The following ANO2 variants were observed in gnomAD, a reference collection of about 807,000 sequenced individuals.
The protein encoded by ANO2 is anoctamin-2.
ANO2 carries 101 observed loss-of-function variants against 124.2 expected under a neutral mutation model. That is an observed-to-expected ratio of 0.81 (90% CI 0.69 to 0.96). The LOEUF (loss-of-function observed/expected upper bound fraction) is 0.96. Among genes scored for constraint, ANO2 ranks in the 40% least tolerant of loss-of-function variants. The pLI is 0.00. For missense variants in ANO2, 1,293 were observed against 1,274.5 expected, an observed-to-expected ratio of 1.01 and a Z score of -0.22; for synonymous variants, 486 against 482.5, an observed-to-expected ratio of 1.01 and a Z score of -0.09.
chr12:5,922,403 C>T (rs141337713), intron 2 of ANO2, among the ~76,000 whole-genome samples: 2,155 of 152,328 alleles, frequency 0.014, 22 homozygotes, highest in Non-Finnish European at 0.025. Flanking sequence ...GCCTCCCACG[C>T]CTCCTCCTTT....
At chr12:5,689,257 G>A (rs563852030) in intron 14 of ANO2, among the ~76,000 whole-genome samples, 1 of 152,186 alleles carries the variant, frequency 6.6e-6, no homozygotes, top group South Asian at 2.1e-4. Context: ...TAATTAGGAG[G>A]GCAGAATCTT....
chr12:5,598,517 G>A (rs1015095124), intron 20 of ANO2, among the ~76,000 whole-genome samples: 2 of 152,028 alleles, frequency 1.3e-5, no homozygotes, highest in African/African-American at 4.8e-5. Flanking sequence ...CACCATTCCT[G>A]GCTAATTTTT....
rs562752174 is a variant in ANO2 at position 5,583,381 on chromosome 12, C to T, written c.2234-4863G>A. 1.0e-3 allele frequency among the ~76,000 whole-genome samples: 155 copies of T among 152,214 alleles called. 2 individuals carry two copies. The highest frequency in any genetic ancestry group is 2.9e-3 in the African/African-American group (121 of 41,536). On this transcript the variant is annotated intron_variant, in intron 20 of 24. Transcript: ENST00000682330. ...TAAAAAAATGCTTTCTGGCTGGGCG[C>T]GGTGGCTCACGCCTGTAATCCCAGC... is the stretch of plus-strand genomic sequence containing the variant.
chr12:5,802,461 A>C (rs955994152), intron 9 of ANO2, among the ~76,000 whole-genome samples: 4 of 152,206 alleles, frequency 2.6e-5, no homozygotes, highest in Non-Finnish European at 5.9e-5. Context: ...GCCTTCTGTC[A>C]CCTGCAGGGG....
intron 3 of ANO2, among the ~76,000 whole-genome samples, chr12:5,854,877 GT>G (rs1259213486): frequency 6.6e-6 from 1 of 150,880 alleles, no homozygotes; most frequent in Non-Finnish European, 1.5e-5. Flanking sequence ...CACTATGACT[GT>G]TACAAATAGG....
intron 7 of ANO2, among the ~76,000 whole-genome samples, chr12:5,809,721 T>C (rs766139788): frequency 1.3e-5 from 2 of 152,176 alleles, no homozygotes; most frequent in Non-Finnish European, 2.9e-5. Flanking sequence ...CAGCTGGAAG[T>C]GGGCAGCTTG....
intron 3 of ANO2, among the ~76,000 whole-genome samples, chr12:5,876,287 G>A (rs1233889744): frequency 6.6e-6 from 1 of 152,184 alleles, no homozygotes; most frequent in Non-Finnish European, 1.5e-5. Context: ...AAAGGCAGAT[G>A]AAGTAATTAA....
chr12:5,697,338 A>T (rs1310940097), intron 14 of ANO2, among the ~76,000 whole-genome samples: 7 of 152,144 alleles, frequency 4.6e-5, no homozygotes, highest in Admixed American at 2.6e-4. Flanking sequence ...AGGCTGAAGC[A>T]GGAGAATGGC....
At chr12:5,684,779 C>A (rs1002122080) in intron 14 of ANO2, among the ~76,000 whole-genome samples, 17 of 152,132 alleles carry the variant, frequency 1.1e-4, no homozygotes, top group Non-Finnish European at 2.4e-4. Context: ...ATGCAGCCCA[C>A]ATTGTTTACT....
intron 12 of ANO2, chr12:5,740,904 C>A (rs1353573006): frequency 6.6e-6 from 1 of 152,488 alleles, no homozygotes; most frequent in African/African-American, 2.4e-5. Context: ...TCTCCATACT[C>A]GACTTGCGCA....
At chr12:5,757,190 AG>A (rs1951607380) in intron 10 of ANO2, among the ~76,000 whole-genome samples, 1 of 152,256 alleles carries the variant, frequency 6.6e-6, no homozygotes, top group Non-Finnish European at 1.5e-5. Context: ...TTTCAGTAGA[AG>A]GGTGAGGCCT....
At chr12:5,565,527 G>T (rs3825277) in intron 24 of ANO2, 31 bp downstream of exon 24, 1 of 1,541,138 alleles carries the variant, frequency 6.5e-7, no homozygotes, top group Non-Finnish European at 8.8e-7. Context: ...GCCCGGATTC[G>T]AATGGGCTAT....
At chr12:5,748,692 C>G (rs1415848032) in intron 11 of ANO2, among the ~76,000 whole-genome samples, 2 of 152,058 alleles carry the variant, frequency 1.3e-5, no homozygotes, top group African/African-American at 4.8e-5. Flanking sequence ...ATGCCCCCCA[C>G]AAGGTAGATA....
intron 3 of ANO2, among the ~76,000 whole-genome samples, chr12:5,861,677 G>A (rs1040833516): frequency 5.3e-5 from 8 of 152,148 alleles, no homozygotes; most frequent in South Asian, 2.1e-4. Flanking sequence ...ATCGGCGCCC[G>A]GGAATGGCGC....
chr12:5,921,722 G>A (rs1028369672), intron 2 of ANO2, among the ~76,000 whole-genome samples: 6 of 151,978 alleles, frequency 3.9e-5, no homozygotes, highest in Non-Finnish European at 8.8e-5. Flanking sequence ...ACACACACAT[G>A]CAAGCACCTG....
chr12:5,938,921 T>A (rs11063940), intron 1 of ANO2, among the ~76,000 whole-genome samples: 8,532 of 151,174 alleles, frequency 0.056, 806 homozygotes, highest in African/African-American at 0.19. Context: ...ATATTTTTTT[T>A]TAAAAATAAT....
At chr12:5,740,424 C>A (rs982519183) in intron 12 of ANO2, 7 of 164,722 alleles carry the variant, frequency 4.2e-5, no homozygotes, top group South Asian at 1.6e-4. Context: ...AATTTCTAAT[C>A]CTGCAAAAGC....
At chr12:5,798,697 T>A (rs1309551953) in intron 10 of ANO2, among the ~76,000 whole-genome samples, 1 of 152,174 alleles carries the variant, frequency 6.6e-6, no homozygotes, top group Non-Finnish European at 1.5e-5. Flanking sequence ...GCCTCCCAAG[T>A]TAGGACAACC....
chr12:5,855,463 C>T (rs1955069137), intron 3 of ANO2, among the ~76,000 whole-genome samples: 1 of 152,156 alleles, frequency 6.6e-6, no homozygotes, highest in Non-Finnish European at 1.5e-5. Context: ...ACATCCAGAA[C>T]CAAACCTCAC....
Sources: gnomAD v4.1 joint callset for allele counts (sites outside exome capture counted in the v4.1 genomes callset) on GRCh38, gnomAD v4.1.1 for gene constraint, MANE v1.5 for transcripts, NCBI Gene and HGNC (gene_info 2026-07-23, HGNC 2026-07-21) for gene names.